Variants in NPAS3 observed in about 807,000 individuals in gnomAD.
The protein encoded by NPAS3 is neuronal PAS domain-containing protein 3.
A neutral mutation model predicts 73.1 loss-of-function variants in NPAS3; 14 were observed. The ratio of observed to expected loss-of-function variants is 0.19; its 90% CI spans 0.13 to 0.30. The LOEUF (loss-of-function observed/expected upper bound fraction) is 0.30. NPAS3 is among the 10% of genes least tolerant of loss of function. The pLI, the probability that NPAS3 is intolerant of heterozygous loss-of-function variation, is 1.00. For missense variants in NPAS3, 1,096 were observed against 1,250.0 expected (o/e 0.88, Z 1.86); for synonymous variants, 620 against 541.5 (o/e 1.14, Z -2.01).
At chr14:32,971,872 G>C (rs2037440200) in intron 1 of NPAS3, among the ~76,000 whole-genome samples, 1 of 150,474 alleles carries the variant, frequency 6.6e-6, no homozygotes, top group Non-Finnish European at 1.5e-5. Flanking sequence ...CATTTATTAA[G>C]ATAGGTTAAA....
chr14:33,551,792 A>G (rs897774821), intron 4 of NPAS3, among the ~76,000 whole-genome samples: 3 of 152,098 alleles, frequency 2.0e-5, no homozygotes, highest in African/African-American at 7.2e-5. Flanking sequence ...ATCTTCTTCC[A>G]ACTCATGGGA....
chr14:33,184,381 A>G (rs1026764388), intron 2 of NPAS3, among the ~76,000 whole-genome samples: 8 of 152,170 alleles, frequency 5.3e-5, no homozygotes, highest in Non-Finnish European at 7.4e-5. Flanking sequence ...GTATCAGTTC[A>G]AGGAGCGTAA....
chr14:33,446,097 T>C lies in NPAS3; in HGVS notation c.468+78829T>C, dbSNP rs563262354. Among the ~76,000 whole-genome samples the C allele has an allele frequency of 1.1e-4, 17 of 152,066 alleles. No homozygotes were observed. The South Asian group carries it at 3.3e-3, about 30-fold the overall frequency. The stretch of plus-strand genomic sequence containing the variant: ...CCGTTTGAGTCAACATCAACCCCAC[T>C]GAAATCTTTTCTTCCAGTTTTCATC... On this transcript the variant is annotated intron_variant, in intron 4 of 11. Coordinates refer to ENST00000356141, the Ensembl canonical transcript of NPAS3.
At chr14:33,676,211 G>A in exon 6 of NPAS3, 1 of 1,613,700 alleles carries the variant, frequency 6.2e-7, no homozygotes, top group South Asian at 1.1e-5. Context: ...CGCCCTCTAG[G>A]TGGAGCTGAC....
intron 6 of NPAS3, among the ~76,000 whole-genome samples, chr14:33,701,584 T>C (rs1013007237): frequency 2.0e-5 from 3 of 152,236 alleles, no homozygotes; most frequent in Non-Finnish European, 2.9e-5. Flanking sequence ...TTTGTTTTAA[T>C]TTTTTCTAGA....
chr14:33,188,806 G>A (rs1410651341), intron 2 of NPAS3, among the ~76,000 whole-genome samples: 1 of 152,076 alleles, frequency 6.6e-6, no homozygotes, highest in Admixed American at 6.6e-5. Context: ...TATCTTTACA[G>A]AATTACTGTG....
chr14:32,950,756 T>C (rs1303879411), intron 1 of NPAS3, among the ~76,000 whole-genome samples: 1 of 152,156 alleles, frequency 6.6e-6, no homozygotes, highest in Non-Finnish European at 1.5e-5. Flanking sequence ...TAGCCCTTTT[T>C]ACGATAGTGA....
At chr14:33,358,685 G>C (rs562130150) in intron 3 of NPAS3, among the ~76,000 whole-genome samples, 7 of 152,294 alleles carry the variant, frequency 4.6e-5, no homozygotes, top group African/African-American at 1.4e-4. Context: ...AGACTCTGAT[G>C]ATCTGGAGGG....
intron 3 of NPAS3, among the ~76,000 whole-genome samples, chr14:33,345,801 T>C (rs999656409): frequency 6.6e-6 from 1 of 152,242 alleles, no homozygotes; most frequent in Non-Finnish European, 1.5e-5. Flanking sequence ...GCATATCAGC[T>C]AAGTACTTAC....
At chr14:33,793,864 A>G (rs2063436989) in intron 9 of NPAS3, 33 bp from the exon 10 acceptor site, 2 of 1,595,450 alleles carry the variant, frequency 1.3e-6, no homozygotes, top group Non-Finnish European at 1.7e-6. Flanking sequence ...CCCAGTCTTA[A>G]TACAATGCCT....
chr14:33,735,348 G>C lies in NPAS3; in HGVS notation c.852+16G>C, dbSNP rs750269970. 6.4e-7 allele frequency: 1 copy of C among 1,567,066 alleles called. No homozygotes were observed. The highest frequency in any genetic ancestry group is 8.8e-7 in the Non-Finnish European group (1 of 1,137,250). ...AGGATATAAGGTAAGCCGGTTCCGGGAGGGGAGACATTGCTGTCTCAGGCC... is the reference window on the plus strand; with the variant it reads ...AGGATATAAGGTAAGCCGGTTCCGGCAGGGGAGACATTGCTGTCTCAGGCC... On this transcript the variant is annotated intron_variant, in intron 7 of 11. Coordinates refer to ENST00000356141, the Ensembl canonical transcript of NPAS3.
chr14:33,071,738 A>G (rs1287592053), intron 2 of NPAS3, among the ~76,000 whole-genome samples: 2 of 152,218 alleles, frequency 1.3e-5, no homozygotes, highest in Non-Finnish European at 2.9e-5. Flanking sequence ...AATTTATACA[A>G]CCTAGTCAAA....
At position 33,298,484 on chromosome 14, in the gene NPAS3, A is replaced by G. The variant is rs545181971; in HGVS notation, c.386-68702A>G. Among the ~76,000 whole-genome samples the G allele has an allele frequency of 3.3e-5, 5 of 152,296 alleles. No individual in the cohort carries two copies. The South Asian group carries it at 8.3e-4, about 25-fold the overall frequency. On this transcript the variant is annotated intron_variant, in intron 3 of 11. Coordinates refer to ENST00000356141, the Ensembl canonical transcript of NPAS3. ...CTCTTTGTGACACTTTTGCCTGTGA[A>G]GTCTGATCATCTTTGGAAATTATGT...
chr14:33,308,531 TACACACACAC>T (rs550021518), intron 3 of NPAS3, among the ~76,000 whole-genome samples: 1 of 116,012 alleles, frequency 8.6e-6, no homozygotes, highest in Admixed American at 8.5e-5. Flanking sequence ...TATATATACA[TACACACACAC>T]ACACACACAC....
At chr14:33,260,320 C>A (rs773991470) in intron 3 of NPAS3, among the ~76,000 whole-genome samples, 2 of 151,656 alleles carry the variant, frequency 1.3e-5, no homozygotes, top group Non-Finnish European at 2.9e-5. Context: ...GCCTCTCTCC[C>A]TGGTCAACTT....
intron 3 of NPAS3, among the ~76,000 whole-genome samples, chr14:33,314,283 A>T (rs1283469262): frequency 6.6e-6 from 1 of 152,092 alleles, no homozygotes; most frequent in African/African-American, 2.4e-5. Flanking sequence ...ATTACTAATT[A>T]ACTTTATTTT....
chr14:33,259,851 C>T (rs1198655328), intron 3 of NPAS3, among the ~76,000 whole-genome samples: 5 of 72,646 alleles, frequency 6.9e-5, no homozygotes, highest in Non-Finnish European at 1.2e-4. Context: ...TAAGCAGCAG[C>T]AGCATCTTTT....
intron 3 of NPAS3, among the ~76,000 whole-genome samples, chr14:33,241,003 G>A (rs901236395): frequency 6.6e-5 from 10 of 151,864 alleles, no homozygotes; most frequent in Admixed American, 2.6e-4. Flanking sequence ...TTAGCATGAG[G>A]CTAACCTCAG....
chr14:33,491,521 T>C lies in NPAS3; in HGVS notation c.469-68600T>C, dbSNP rs186287498. Among the ~76,000 whole-genome samples, 3 of 152,260 alleles carry C rather than the reference T, an allele frequency of 2.0e-5. No homozygotes were observed. In the East Asian group the frequency reaches 5.8e-4, roughly 30 times the overall value. On this transcript the variant is annotated intron_variant, in intron 4 of 11. Transcript: ENST00000356141. ...GCACTAGGATTGTGGCTCATGCAAC[T>C]GAGGAGCTGAATTTTAGATGTTCTT... is the stretch of plus-strand genomic sequence containing the variant.
Sources: gnomAD v4.1 joint callset for allele counts (sites outside exome capture counted in the v4.1 genomes callset) on GRCh38, gnomAD v4.1.1 for gene constraint, MANE v1.5 for transcripts, NCBI Gene and HGNC (gene_info 2026-07-23, HGNC 2026-07-21) for gene names.